Variants in BCL2L11 observed in about 807,000 individuals in gnomAD.
The protein encoded by BCL2L11 is bcl-2-like protein 11.
Under a neutral mutation model 20.6 loss-of-function variants are expected in BCL2L11, and 15 were observed. The ratio of observed to expected loss-of-function variants is 0.73; its 90% confidence interval spans 0.49 to 1.12. The LOEUF (loss-of-function observed/expected upper bound fraction) is 1.12, where lower values mean the gene tolerates loss of function less well. Among genes scored for constraint, BCL2L11 ranks in the 50% most tolerant of loss-of-function variants. BCL2L11 has a pLI of 0.00. For synonymous variants in BCL2L11, 108 were observed against 92.8 expected (o/e 1.16, Z -0.94); for missense variants, 292 against 260.9 (o/e 1.12, Z -0.82).
At chr2:111,145,047 G>T (rs2076323945) in intron 2 of BCL2L11, among the ~76,000 whole-genome samples, 1 of 152,202 alleles carries the variant, frequency 6.6e-6, no homozygotes, top group African/African-American at 2.4e-5. Flanking sequence ...TCACGCTGAT[G>T]ACTTGAAAAT....
intron 1 of BCL2L11, chr2:111,123,224 C>G (rs1022994395): frequency 1.4e-5 from 14 of 985,368 alleles, no homozygotes; most frequent in Non-Finnish European, 1.7e-5. Flanking sequence ...GACGCACTTA[C>G]TACGACTGAC....
intron 2 of BCL2L11, among the ~76,000 whole-genome samples, chr2:111,144,803 A>G (rs2076286106): frequency 6.6e-6 from 1 of 152,166 alleles, no homozygotes; most frequent in African/African-American, 2.4e-5. Context: ...CCTTTACAGG[A>G]TCCTTTATTG....
Position 111,124,821 on chromosome 2 carries a change from T to G in BCL2L11, c.394+682T>G, listed in dbSNP as rs191013947. Among the ~76,000 whole-genome samples the G allele has an allele frequency of 3.2e-4, 49 of 152,316 alleles. 1 individual carries two copies. The East Asian group carries it at 9.1e-3, about 28-fold the overall frequency. On this transcript the variant is annotated intron_variant, in intron 2 of 3. Transcript: ENST00000393256. ...TTTGAAAATAACACTTTTAAAAAAA[T>G]GAACTAGTTCATGAAAGCAGTACCA...
chr2:111,145,063 C>A (rs1188373153), intron 2 of BCL2L11, among the ~76,000 whole-genome samples: 1 of 152,230 alleles, frequency 6.6e-6, no homozygotes, highest in Non-Finnish European at 1.5e-5. Flanking sequence ...AAAATCTAAT[C>A]TTGATTCTAC....
At chr2:111,139,047 A>G (rs1467729890) in intron 2 of BCL2L11, among the ~76,000 whole-genome samples, 13 of 152,124 alleles carry the variant, frequency 8.5e-5, no homozygotes, top group Non-Finnish European at 1.5e-5. Flanking sequence ...GAGTATAGGA[A>G]ACTCCTAGGG....
intron 3 of BCL2L11, among the ~76,000 whole-genome samples, chr2:111,158,959 C>T (rs762524694): frequency 3.7e-4 from 56 of 152,282 alleles, no homozygotes; most frequent in African/African-American, 1.1e-3. Flanking sequence ...TTGTACTTAC[C>T]GAGTCCTTGG....
At chr2:111,159,679 C>T (rs2078318798) in intron 3 of BCL2L11, among the ~76,000 whole-genome samples, 1 of 152,214 alleles carries the variant, frequency 6.6e-6, no homozygotes, top group South Asian at 2.1e-4. Flanking sequence ...AATTCCCTGA[C>T]ACTTAATTGG....
At chr2:111,142,040 C>G (rs1268101530) in intron 2 of BCL2L11, among the ~76,000 whole-genome samples, 1 of 152,156 alleles carries the variant, frequency 6.6e-6, no homozygotes, top group Non-Finnish European at 1.5e-5. Context: ...CAGTGTGTTT[C>G]TCATCTAGGA....
At chr2:111,147,372 A>T (rs1162900296) in intron 2 of BCL2L11, among the ~76,000 whole-genome samples, 1 of 150,820 alleles carries the variant, frequency 6.6e-6, no homozygotes, top group African/African-American at 2.4e-5. Flanking sequence ...ACACACACAC[A>T]CACACACACA....
At chr2:111,130,011 C>A in intron 2 of BCL2L11, 1 of 298,672 alleles carries the variant, frequency 3.3e-6, no homozygotes, top group Admixed American at 4.7e-5. Flanking sequence ...TAGCTATTCA[C>A]CTGTTGAAGG....
chr2:111,122,850 CGAAGGGCGCGG>C (rs2150128328), intron 1 of BCL2L11: 1 of 985,380 alleles, frequency 1.0e-6, no homozygotes, highest in African/African-American at 1.7e-5. Context: ...GCCCGGTCGG[CGAAGGGCGCGG>C]GCCGGACGCC....
intron 2 of BCL2L11, among the ~76,000 whole-genome samples, chr2:111,139,636 T>C (rs1205742324): frequency 6.6e-6 from 1 of 152,174 alleles, no homozygotes; most frequent in Non-Finnish European, 1.5e-5. Context: ...TATGGATCCT[T>C]CTTCTTGGTA....
chr2:111,123,352 C>G, intron 1 of BCL2L11: 10 of 985,512 alleles, frequency 1.0e-5, no homozygotes, highest in Non-Finnish European at 9.6e-6. Context: ...CGCTCCTGTG[C>G]TCCGGCGTCC....
chr2:111,141,208 T>TC (rs2075744346), intron 2 of BCL2L11, among the ~76,000 whole-genome samples: 1 of 152,090 alleles, frequency 6.6e-6, no homozygotes, highest in Non-Finnish European at 1.5e-5. Flanking sequence ...GTTAGAACAA[T>TC]CCACACGTAT....
At chr2:111,142,391 G>C (rs749268046) in intron 2 of BCL2L11, 1 of 1,550,006 alleles carries the variant, frequency 6.5e-7, no homozygotes, top group South Asian at 1.2e-5. Flanking sequence ...GCAAAATCAA[G>C]GTGAAAAGTT....
At chr2:111,147,346 T>TCTCTCTCACACACACACACA (rs760779894) in intron 2 of BCL2L11, among the ~76,000 whole-genome samples, 1 of 137,330 alleles carries the variant, frequency 7.3e-6, no homozygotes, top group Non-Finnish European at 1.5e-5. Flanking sequence ...TCTCTCTCTC[T>TCTCTCTCACACACACACACA]CACACACACA....
intron 2 of BCL2L11, chr2:111,130,065 A>T (rs567833236): frequency 2.4e-5 from 9 of 374,622 alleles, no homozygotes; most frequent in African/African-American, 2.0e-4. Flanking sequence ...CACAGCTGGA[A>T]CTCAGGGAGG....
intron 2 of BCL2L11, among the ~76,000 whole-genome samples, chr2:111,126,370 G>A (rs946799462): frequency 2.6e-5 from 4 of 152,124 alleles, no homozygotes; most frequent in East Asian, 1.9e-4. Flanking sequence ...GGATCCTGAG[G>A]TGTAATTTTA....
chr2:111,148,240 G>T (rs2150481458), intron 2 of BCL2L11, among the ~76,000 whole-genome samples: 1 of 152,312 alleles, frequency 6.6e-6, no homozygotes, highest in East Asian at 1.9e-4. Context: ...ACGTTCACTT[G>T]TGCATATGGG....
Sources: gnomAD v4.1 joint callset for allele counts (sites outside exome capture counted in the v4.1 genomes callset) on GRCh38, gnomAD v4.1.1 for gene constraint, MANE v1.5 for transcripts, NCBI Gene and HGNC (gene_info 2026-07-23, HGNC 2026-07-21) for gene names.